The following UNC13C variants were observed in gnomAD, a reference collection of about 807,000 sequenced individuals.
The protein encoded by UNC13C is unc-13 homolog C.
A neutral mutation model predicts 245.4 loss-of-function variants in UNC13C; 174 were observed. The observed-to-expected ratio is 0.71, with a 90% CI of 0.63 to 0.80. The LOEUF is 0.80. Among genes scored for constraint, UNC13C ranks in the 30% least tolerant of loss-of-function variants. UNC13C has a pLI of 0.00. For synonymous variants in UNC13C, 992 were observed against 895.1 expected, an observed-to-expected ratio of 1.11 and a Z score of -1.93; for missense variants, 2,829 against 2,602.9, an observed-to-expected ratio of 1.09 and a Z score of -1.89.
intron 11 of UNC13C, among the ~76,000 whole-genome samples, chr15:54,296,149 A>T (rs2037423198): frequency 6.6e-6 from 1 of 152,104 alleles, no homozygotes; most frequent in Admixed American, 6.5e-5. Context: ...GTGACCAAAA[A>T]AGACCCTAGG....
At chr15:54,106,866 C>T (rs909545722) in intron 2 of UNC13C, among the ~76,000 whole-genome samples, 2 of 152,326 alleles carry the variant, frequency 1.3e-5, no homozygotes, top group Non-Finnish European at 2.9e-5. Context: ...AAAAGAAGTG[C>T]TTTTCTTGTT....
rs183792015 is a variant in UNC13C, at chr15:54,375,790, C to T, written c.4714-17258C>T. On this transcript the variant is annotated intron_variant, in intron 17 of 32. Transcript: ENST00000260323. ...ACTCAGATGAAACACCACCGCCAGC[C>T]AATGGCTAGATTGCAGCCCCCTGAA... Among the ~76,000 whole-genome samples, 323 of 152,338 alleles carry T rather than the reference C, an allele frequency of 2.1e-3. 1 individual carries two copies. Among genetic ancestry groups the T allele is most frequent in the African/African-American group, 6.8e-3 (281 of 41,580 alleles).
intron 2 of UNC13C, among the ~76,000 whole-genome samples, chr15:54,128,118 A>G (rs1395830849): frequency 2.6e-5 from 4 of 152,178 alleles, no homozygotes; most frequent in East Asian, 1.9e-4. Flanking sequence ...CTATACACCA[A>G]CAAGGTCCAG....
intron 14 of UNC13C, among the ~76,000 whole-genome samples, chr15:54,325,224 T>C (rs2038265960): frequency 6.6e-6 from 1 of 151,848 alleles, no homozygotes; most frequent in Non-Finnish European, 1.5e-5. Flanking sequence ...GCTAAAAAAC[T>C]CTATATGCAA....
At chr15:54,210,100 T>G (rs2140746584) in intron 4 of UNC13C, among the ~76,000 whole-genome samples, 1 of 151,714 alleles carries the variant, frequency 6.6e-6, no homozygotes, top group Non-Finnish European at 1.5e-5. Context: ...TTGTCAGAGT[T>G]ACAAAGAATA....
intron 29 of UNC13C, among the ~76,000 whole-genome samples, chr15:54,557,993 A>G (rs28483283): frequency 0.019 from 2,824 of 152,140 alleles, 80 homozygotes; most frequent in African/African-American, 0.061. Context: ...TCAGTAAACT[A>G]TCGCAAGAAC....
At chr15:54,611,382 T>C (rs1827013828) in intron 30 of UNC13C, 1 of 151,452 alleles carries the variant, frequency 6.6e-6, no homozygotes, top group Non-Finnish European at 1.5e-5. Flanking sequence ...AAAACACATA[T>C]AGCTGGCTAA....
chr15:54,530,367 C>T (rs983364699), intron 25 of UNC13C, among the ~76,000 whole-genome samples: 3 of 152,122 alleles, frequency 2.0e-5, no homozygotes, highest in African/African-American at 7.2e-5. Context: ...GTATATAATG[C>T]AGCAGTTTTA....
At chr15:54,368,249 A>G (rs188243480) in intron 17 of UNC13C, among the ~76,000 whole-genome samples, 1 of 152,268 alleles carries the variant, frequency 6.6e-6, no homozygotes, top group East Asian at 1.9e-4. Flanking sequence ...CATGTTATCT[A>G]AAGAATGAAT....
intron 8 of UNC13C, among the ~76,000 whole-genome samples, chr15:54,258,846 G>C (rs546983965): frequency 6.6e-6 from 1 of 152,302 alleles, no homozygotes; most frequent in African/African-American, 2.4e-5. Flanking sequence ...AGTTGAGAGA[G>C]ATAAACTAAC....
the UNC13C span, among the ~76,000 whole-genome samples, chr15:53,892,256 A>G: frequency 2.0e-5 from 3 of 152,174 alleles, no homozygotes; most frequent in African/African-American, 7.2e-5. Flanking sequence ...CTGTTAGTCT[A>G]ATGGGCTTCC....
At chr15:53,901,370 A>C in the UNC13C span, among the ~76,000 whole-genome samples, 89,871 of 151,504 alleles carry the variant, frequency 0.59, 27,057 homozygotes, top group South Asian at 0.73. Flanking sequence ...CAGGTGCCTG[A>C]CACCATGCCT....
chr15:54,031,491 A>G (rs1204276218), intron 2 of UNC13C, among the ~76,000 whole-genome samples: 3 of 152,202 alleles, frequency 2.0e-5, no homozygotes, highest in Non-Finnish European at 4.4e-5. Flanking sequence ...CCAAAGGGTG[A>G]AGTAACATTA....
intron 15 of UNC13C, among the ~76,000 whole-genome samples, chr15:54,333,357 A>T (rs539078148): frequency 6.6e-6 from 1 of 152,160 alleles, no homozygotes; most frequent in South Asian, 2.1e-4. Flanking sequence ...CTAAAAGTAA[A>T]TGCAGCACAT....
chr15:54,053,145 T>C (rs1185076447), intron 2 of UNC13C, among the ~76,000 whole-genome samples: 1 of 152,126 alleles, frequency 6.6e-6, no homozygotes, highest in Non-Finnish European at 1.5e-5. Flanking sequence ...ACTACAGGTG[T>C]GCACCACTAC....
At chr15:54,423,512 T>A (rs2040696321) in intron 19 of UNC13C, among the ~76,000 whole-genome samples, 1 of 151,824 alleles carries the variant, frequency 6.6e-6, no homozygotes, top group Non-Finnish European at 1.5e-5. Flanking sequence ...TAAATATACA[T>A]AAAAAATGTT....
chr15:54,495,583 G>C (rs1893911981), intron 20 of UNC13C, among the ~76,000 whole-genome samples: 1 of 151,868 alleles, frequency 6.6e-6, no homozygotes, highest in South Asian at 2.1e-4. Flanking sequence ...AAAGTTATGA[G>C]CATAATTATG....
the UNC13C span, among the ~76,000 whole-genome samples, chr15:53,961,281 T>C: frequency 6.6e-6 from 1 of 152,266 alleles, no homozygotes; most frequent in African/African-American, 2.4e-5. Context: ...GGTGCTCTTA[T>C]TCCTTTGCTG....
At chr15:54,414,607 A>T (rs572306042) in intron 18 of UNC13C, among the ~76,000 whole-genome samples, 3 of 152,090 alleles carry the variant, frequency 2.0e-5, no homozygotes, top group Admixed American at 6.6e-5. Context: ...AAATGGCACC[A>T]TTGCACTCCA....
Sources: gnomAD v4.1 joint callset for allele counts (sites outside exome capture counted in the v4.1 genomes callset) on GRCh38, gnomAD v4.1.1 for gene constraint, MANE v1.5 for transcripts, NCBI Gene and HGNC (gene_info 2026-07-23, HGNC 2026-07-21) for gene names.